The following TBXAS1 variants were observed in gnomAD, a reference collection of about 807,000 sequenced individuals.
TBXAS1 encodes thromboxane A synthase 1.
Under a neutral mutation model 60.7 loss-of-function variants are expected in TBXAS1, and 48 were observed. The ratio of observed to expected loss-of-function variants is 0.79; its 90% CI spans 0.63 to 1.01. The LOEUF (loss-of-function observed/expected upper bound fraction) is 1.01. Ranked by LOEUF, TBXAS1 falls within the 50% of genes least tolerant of loss-of-function variation. The pLI is 0.00. For synonymous variants in TBXAS1, 287 were observed against 269.7 expected, an observed-to-expected ratio of 1.06 and a Z score of -0.63; for missense variants, 685 against 686.3, an observed-to-expected ratio of 1.00 and a Z score of 0.02.
intron 3 of TBXAS1, among the ~76,000 whole-genome samples, chr7:139,889,214 GT>G (rs1803359848): frequency 6.6e-6 from 1 of 151,706 alleles, no homozygotes; most frequent in African/African-American, 2.4e-5. Flanking sequence ...TGCGCCTGTT[GT>G]CCCAAGTACT....
intron 3 of TBXAS1, among the ~76,000 whole-genome samples, chr7:139,898,359 C>T (rs1016864380): frequency 1.4e-5 from 2 of 147,888 alleles, no homozygotes; most frequent in Non-Finnish European, 3.0e-5. Context: ...GTCAGAGGAG[C>T]TGAAAGCCCT....
chr7:139,832,791 T>C (rs1342089020), intron 1 of TBXAS1, among the ~76,000 whole-genome samples: 3 of 152,210 alleles, frequency 2.0e-5, no homozygotes, highest in Non-Finnish European at 2.9e-5. Flanking sequence ...CTAGAAGGGA[T>C]TGGGGCCCTG....
intron 4 of TBXAS1, among the ~76,000 whole-genome samples, chr7:139,798,218 C>G (rs80267617): frequency 0.013 from 1,986 of 151,976 alleles, 38 homozygotes; most frequent in African/African-American, 0.045. Flanking sequence ...GGAGACACGC[C>G]AGCCAGAAGG....
chr7:139,873,448 C>T (rs1046124986), intron 2 of TBXAS1, among the ~76,000 whole-genome samples: 5 of 152,118 alleles, frequency 3.3e-5, no homozygotes, highest in Admixed American at 6.5e-5. Flanking sequence ...CACGATGGCT[C>T]GGTCTGGTCG....
chr7:139,917,211 C>G (rs955133310), intron 4 of TBXAS1, among the ~76,000 whole-genome samples: 7 of 152,182 alleles, frequency 4.6e-5, no homozygotes, highest in Non-Finnish European at 8.8e-5. Context: ...CTACAGAGGG[C>G]AGTGAAACCA....
At chr7:140,001,123 G>C (rs1195425784) in intron 9 of TBXAS1, among the ~76,000 whole-genome samples, 1 of 152,060 alleles carries the variant, frequency 6.6e-6, no homozygotes, top group Non-Finnish European at 1.5e-5. Context: ...AGGCGCTGCA[G>C]GGGGGGCTTC....
upstream of TBXAS1, among the ~76,000 whole-genome samples, chr7:139,828,836 G>T (rs1186363813): frequency 1.3e-5 from 2 of 152,288 alleles, no homozygotes; most frequent in East Asian, 3.9e-4. Flanking sequence ...TTGGTGGGAT[G>T]GTTGTCCTCA....
At chr7:139,843,752 C>T (rs1228370043) in intron 1 of TBXAS1, among the ~76,000 whole-genome samples, 1 of 152,208 alleles carries the variant, frequency 6.6e-6, no homozygotes, top group East Asian at 1.9e-4. Flanking sequence ...ATAGTAGCTG[C>T]TCAGTAAATG....
intron 9 of TBXAS1, among the ~76,000 whole-genome samples, chr7:139,974,815 G>T (rs1166268632): frequency 2.0e-5 from 3 of 152,170 alleles, no homozygotes; most frequent in African/African-American, 7.2e-5. Flanking sequence ...GAATGTTTCT[G>T]TGCCAGATCC....
chr7:139,964,854 A>T (rs1810659067), intron 9 of TBXAS1, among the ~76,000 whole-genome samples: 2 of 152,234 alleles, frequency 1.3e-5, no homozygotes, highest in African/African-American at 4.8e-5. Context: ...GGGCGATAGG[A>T]GTCTGTCCCA....
Position 140,018,924 on chromosome 7 carries a change from G to C in TBXAS1, c.1527+1091G>C, listed in dbSNP as rs548899786. ...TCACCCAGATCCTGCCCACTCCCAA[G>C]CTCTCCCTCCTTCCTGACATCTGGC... On this transcript the variant is annotated intron_variant, in intron 12 of 12. Coordinates refer to ENST00000448866, the MANE Select transcript of TBXAS1 (RefSeq NM_001061.7). Among the ~76,000 whole-genome samples, 6 of 152,292 alleles carry C rather than the reference G, an allele frequency of 3.9e-5. No individual in the cohort carries two copies. In the East Asian group the frequency reaches 7.7e-4, roughly 20 times the overall value.
intron 3 of TBXAS1, among the ~76,000 whole-genome samples, chr7:139,882,628 A>G (rs1230161843): frequency 1.3e-5 from 2 of 152,240 alleles, no homozygotes; most frequent in African/African-American, 4.8e-5. Flanking sequence ...GAAAATATAC[A>G]TAGTATATTG....
rs570868490 is a variant in TBXAS1, at chr7:139,858,831, T to C, written c.90-13404T>C. On this transcript the variant is annotated intron_variant, in intron 1 of 12. Coordinates refer to ENST00000448866, the MANE Select transcript of TBXAS1 (RefSeq NM_001061.7). ...AGAAGGTACACGGACTTTAAAAATC[T>C]TTCATTATAAAGCATTTATTTATTT... Among the ~76,000 whole-genome samples, 20 of 152,336 alleles carry C rather than the reference T, an allele frequency of 1.3e-4. No homozygotes were observed. The East Asian group carries it at 3.7e-3, about 28-fold the overall frequency.
intron 1 of TBXAS1, among the ~76,000 whole-genome samples, chr7:139,847,125 A>G (rs1010888826): frequency 6.6e-6 from 1 of 152,248 alleles, no homozygotes; most frequent in Non-Finnish European, 1.5e-5. Context: ...TCAAAATTAA[A>G]GAAAATCTAT....
In TBXAS1 at chr7:139,962,109, T is replaced by C; in HGVS notation, c.1010T>C (p.Ile337Thr). Residue 337 changes from isoleucine (I) to threonine (T), a missense_variant, in exon 9 of 13, where the codon ATC becomes ACC. Coordinates refer to ENST00000448866, the MANE Select transcript of TBXAS1 (RefSeq NM_001061.7). ...TVDEIVGQAF[I>T]FLIAGYEIIT... ...GATGAGATTGTGGGCCAGGCCTTCATCTTCCTCATCGCTGGCTATGAAATC... is the reference window on the plus strand; with the variant it reads ...GATGAGATTGTGGGCCAGGCCTTCACCTTCCTCATCGCTGGCTATGAAATC... The C allele has an allele frequency of 3.1e-6, 5 of 1,614,224 alleles. No homozygotes were observed.
chr7:139,999,005 GC>G lies in TBXAS1; in HGVS notation c.1135-8084del, dbSNP rs1328644543. On this transcript the variant is annotated intron_variant, in intron 9 of 12. Transcript: ENST00000448866. This position sits in a 1 kb window ranked among gnomAD's most constrained non-coding sequence, Gnocchi z 4.3. Reference sequence around the variant, plus strand: ...TGGATGAATTTCAACATCTAAATCTGCCAAATTATTGAAGCTAGCACAGAGA... The same window carrying G: ...TGGATGAATTTCAACATCTAAATCTGCAAATTATTGAAGCTAGCACAGAGA... Among the ~76,000 whole-genome samples, 1 of 152,192 alleles carries G rather than the reference GC, an allele frequency of 6.6e-6. No individual in the cohort carries two copies. The highest frequency in any genetic ancestry group is 2.4e-5 in the African/African-American group (1 of 41,442).
chr7:139,982,453 G>A (rs138382062), intron 9 of TBXAS1, among the ~76,000 whole-genome samples: 29 of 152,290 alleles, frequency 1.9e-4, no homozygotes, highest in African/African-American at 6.5e-4. Flanking sequence ...AGTGCAAAGG[G>A]GGAAACTGAG....
intron 9 of TBXAS1, among the ~76,000 whole-genome samples, chr7:139,983,920 A>G (rs1301281091): frequency 6.6e-6 from 1 of 152,170 alleles, no homozygotes; most frequent in Non-Finnish European, 1.5e-5. Flanking sequence ...CTTCCCTTGG[A>G]GCTGCCAGTG....
At chr7:139,900,716 G>A (rs1312414828) in intron 3 of TBXAS1, among the ~76,000 whole-genome samples, 3 of 152,200 alleles carry the variant, frequency 2.0e-5, no homozygotes, top group Non-Finnish European at 4.4e-5. Context: ...AATCTCTGCT[G>A]GTCTCTATTA....
Sources: allele counts gnomAD v4.1 joint callset (sites outside exome capture counted in the v4.1 genomes callset), GRCh38; gene constraint gnomAD v4.1.1; non-coding constraint Gnocchi (gnomAD v3.1); transcripts MANE v1.5; gene names NCBI Gene and HGNC (gene_info 2026-07-23, HGNC 2026-07-21).